Variants in TSPAN5 observed in about 807,000 individuals in gnomAD.
TSPAN5 encodes the protein tetraspanin 5, also known as tetraspanin-5.
In TSPAN5, 10 loss-of-function variants were observed where a neutral mutation model predicts 37.1. That is an observed-to-expected ratio of 0.27 (90% CI 0.17 to 0.46). The LOEUF is 0.46. Among genes scored for constraint, TSPAN5 ranks in the 20% least tolerant of loss-of-function variants. The probability of loss-of-function intolerance (pLI) is 1.00; values close to 1 mark genes in which losing one functional copy is unlikely to be tolerated. For missense variants in TSPAN5, 195 were observed against 326.6 expected, an observed-to-expected ratio of 0.60 and a Z score of 3.11; for synonymous variants, 110 against 118.9, an observed-to-expected ratio of 0.93 and a Z score of 0.48.
intron 1 of TSPAN5, among the ~76,000 whole-genome samples, chr4:98,591,796 T>G (rs954875109): frequency 2.0e-5 from 3 of 151,768 alleles, no homozygotes; most frequent in African/African-American, 4.8e-5. Flanking sequence ...CCATTAGTCA[T>G]CATTTATCTA....
At chr4:98,606,359 C>A (rs189601620) in intron 1 of TSPAN5, among the ~76,000 whole-genome samples, 1 of 152,334 alleles carries the variant, frequency 6.6e-6, no homozygotes, top group Non-Finnish European at 1.5e-5. Context: ...ACAAAACACT[C>A]ATACCATAAA....
At chr4:98,618,180 G>A (rs991019361) in intron 1 of TSPAN5, among the ~76,000 whole-genome samples, 3 of 152,042 alleles carry the variant, frequency 2.0e-5, no homozygotes, top group Non-Finnish European at 2.9e-5. Context: ...ATGTAGAAAA[G>A]TGCATTCAAT....
chr4:98,566,744 C>CA (rs1755012750), intron 1 of TSPAN5, among the ~76,000 whole-genome samples: 1 of 152,214 alleles, frequency 6.6e-6, no homozygotes, highest in African/African-American at 2.4e-5. Context: ...TCTGAGACAG[C>CA]AGGATGCTGT....
At chr4:98,510,674 A>C (rs1753583592) in intron 1 of TSPAN5, among the ~76,000 whole-genome samples, 1 of 152,228 alleles carries the variant, frequency 6.6e-6, no homozygotes, top group Admixed American at 6.5e-5. Context: ...ACTCACAGAC[A>C]ATTTCCTTTA....
intron 1 of TSPAN5, among the ~76,000 whole-genome samples, chr4:98,579,023 G>A (rs1388656063): frequency 6.6e-6 from 1 of 152,140 alleles, no homozygotes; most frequent in Non-Finnish European, 1.5e-5. Flanking sequence ...TATCCCCCAT[G>A]TAGTTACTAA....
Position 98,658,310 on chromosome 4 carries a change from G to C in TSPAN5, c.-84C>G. The C allele has an allele frequency of 1.7e-6, 2 of 1,184,636 alleles. No homozygotes were observed. The highest frequency in any genetic ancestry group is 2.5e-6 in the Non-Finnish European group (2 of 791,236). 73.4% of individuals were successfully genotyped at this position (1,184,636 alleles called of 1,614,324 possible). On this transcript the variant is annotated 5_prime_UTR_variant, in exon 1 of 8. Coordinates refer to ENST00000305798, the MANE Select transcript of TSPAN5 (RefSeq NM_005723.4). ...GTTGCTCGGAGCAGCCCGGCGGGGA[G>C]CAGGAGCTCAGGGACACCGCACGGG...
intron 1 of TSPAN5, among the ~76,000 whole-genome samples, chr4:98,559,577 A>G (rs1001642255): frequency 2.0e-5 from 3 of 152,154 alleles, no homozygotes; most frequent in African/African-American, 7.2e-5. Context: ...TTAGTTACTG[A>G]TTTTCCTTGA....
chr4:98,585,147 T>C (rs901570873), intron 1 of TSPAN5, among the ~76,000 whole-genome samples: 3 of 152,136 alleles, frequency 2.0e-5, no homozygotes, highest in African/African-American at 7.2e-5. Flanking sequence ...TTCTTATACA[T>C]TTAGGGGGTA....
At chr4:98,490,997 G>C (rs1165553368) in intron 2 of TSPAN5, among the ~76,000 whole-genome samples, 1 of 152,050 alleles carries the variant, frequency 6.6e-6, no homozygotes, top group Non-Finnish European at 1.5e-5. Context: ...GGGAGGCGGA[G>C]CTTGCAGTGA....
intron 1 of TSPAN5, among the ~76,000 whole-genome samples, chr4:98,648,719 G>A (rs548968611): frequency 6.6e-6 from 1 of 152,206 alleles, no homozygotes; most frequent in Admixed American, 6.5e-5. Flanking sequence ...AATGGTCACC[G>A]CTCTACACCA....
chr4:98,589,152 T>A (rs931110500), intron 1 of TSPAN5, among the ~76,000 whole-genome samples: 1 of 152,190 alleles, frequency 6.6e-6, no homozygotes, highest in African/African-American at 2.4e-5. Flanking sequence ...CACCCTAGAT[T>A]AGTACATGCT....
chr4:98,473,650 G>A (rs1752635400), intron 7 of TSPAN5, among the ~76,000 whole-genome samples: 1 of 152,004 alleles, frequency 6.6e-6, no homozygotes, highest in East Asian at 1.9e-4. Context: ...TAGTAGAGAC[G>A]GGGTTTCACC....
chr4:98,521,257 G>A (rs192463736), intron 1 of TSPAN5, among the ~76,000 whole-genome samples: 2 of 152,114 alleles, frequency 1.3e-5, no homozygotes, highest in Admixed American at 6.5e-5. Context: ...TGAGTCCTTC[G>A]TTACTATCTT....
At chr4:98,560,151 TAACAA>T (rs1464029901) in intron 1 of TSPAN5, 1 of 152,222 alleles carries the variant, frequency 6.6e-6, no homozygotes, top group African/African-American at 2.4e-5. Context: ...CCAACCCAGA[TAACAA>T]GACAAGCTGC....
At position 98,637,787 on chromosome 4, in the gene TSPAN5, G is replaced by A. The variant is rs184887557; in HGVS notation, c.81+20359C>T. Among the ~76,000 whole-genome samples the A allele has an allele frequency of 1.7e-4, 26 of 152,128 alleles. 1 individual carries two copies. Among genetic ancestry groups the A allele is most frequent in the African/African-American group, 6.3e-4 (26 of 41,492 alleles). On this transcript the variant is annotated intron_variant, in intron 1 of 7. Transcript: ENST00000305798. ...TTAATTATAAATGTTTCTCTAAATC[G>A]CCCAAACCAACTTCAAGATGATCTA...
chr4:98,480,838 T>A (rs1450882475), intron 4 of TSPAN5, among the ~76,000 whole-genome samples: 3 of 152,132 alleles, frequency 2.0e-5, no homozygotes, highest in African/African-American at 4.8e-5. Context: ...AGGGCTTAAT[T>A]TCCCACTTAA....
At chr4:98,515,847 T>G (rs1753716466) in intron 1 of TSPAN5, among the ~76,000 whole-genome samples, 1 of 152,190 alleles carries the variant, frequency 6.6e-6, no homozygotes, top group Non-Finnish European at 1.5e-5. Context: ...ATTTCACATC[T>G]TTTCCATTGC....
intron 1 of TSPAN5, among the ~76,000 whole-genome samples, chr4:98,573,598 T>C (rs1269747623): frequency 6.6e-6 from 1 of 152,206 alleles, no homozygotes; most frequent in East Asian, 1.9e-4. Flanking sequence ...TACAAGAGAA[T>C]CTAAATCATC....
At chr4:98,606,593 T>C (rs528489173) in intron 1 of TSPAN5, among the ~76,000 whole-genome samples, 1 of 152,322 alleles carries the variant, frequency 6.6e-6, no homozygotes, top group African/African-American at 2.4e-5. Context: ...TATTTATGTA[T>C]TAGGGTTCTT....
Sources: allele counts gnomAD v4.1 joint callset (sites outside exome capture counted in the v4.1 genomes callset), GRCh38; gene constraint gnomAD v4.1.1; transcripts MANE v1.5; gene names NCBI Gene and HGNC (gene_info 2026-07-23, HGNC 2026-07-21).